The following FHAD1 variants were observed in gnomAD, a reference collection of about 807,000 sequenced individuals.
The protein encoded by FHAD1 is forkhead-associated domain-containing protein 1.
FHAD1 carries 146 observed loss-of-function variants against 191.3 expected under a neutral mutation model. That is an observed-to-expected ratio of 0.76 (90% CI 0.67 to 0.88). The LOEUF (loss-of-function observed/expected upper bound fraction) is 0.88, where lower values mean the gene tolerates loss of function less well. Ranked by LOEUF, FHAD1 falls within the 40% of genes least tolerant of loss-of-function variation. The pLI is 0.00. For synonymous variants in FHAD1, 616 were observed against 672.3 expected, an observed-to-expected ratio of 0.92 and a Z score of 1.29; for missense variants, 1,635 against 1,785.8, an observed-to-expected ratio of 0.92 and a Z score of 1.52.
intron 5 of FHAD1, among the ~76,000 whole-genome samples, chr1:15,299,676 G>C (rs1318418499): frequency 6.6e-6 from 1 of 152,242 alleles, no homozygotes; most frequent in East Asian, 1.9e-4. Flanking sequence ...AGGAACCATA[G>C]CTGTGCACCA....
At position 15,317,902 on chromosome 1, in the gene FHAD1, T is replaced by G. The variant is rs1257367192; in HGVS notation, c.1339T>G (p.Ser447Ala). The G allele has an allele frequency of 1.9e-6, 3 of 1,551,596 alleles. No homozygotes were observed. The highest frequency in any genetic ancestry group is 4.9e-5 in the East Asian group (2 of 40,922). The change falls in exon 10 of 34, where the codon TCT (serine) becomes GCT (alanine). Residue 447 changes from serine (S) to alanine (A), a missense_variant. Transcript: ENST00000688493. ...RKSCTEQSVI[S>A]RTLREKSKVE... ...GAGTTGTACTGAACAAAGCGTGATC[T>G]CTAGGACTCTGAGAGAAAAAAGCAA...
At chr1:15,391,300 T>A in intron 33 of FHAD1, 37 bp downstream of exon 33, 1 of 1,250,978 alleles carries the variant, frequency 8.0e-7, no homozygotes, top group Non-Finnish European at 1.0e-6. Flanking sequence ...TTCTCTTTTT[T>A]TGTTGTTTTG....
Position 15,247,369 on chromosome 1 carries a change from G to T in FHAD1, c.-41G>T. 4.4e-6 allele frequency: 1 copy of T among 229,676 alleles called. No individual in the cohort carries two copies. Among genetic ancestry groups the T allele is most frequent in the Non-Finnish European group, 9.5e-6 (1 of 105,186 alleles). The allele number at this position is 229,676 out of a possible 1,614,324, so 14.2% of individuals were successfully genotyped here. A position where few individuals can be genotyped will look rare whatever the true frequency, so the allele number is the denominator to read the frequency against. On this transcript the variant is annotated 5_prime_UTR_variant, in exon 1 of 34. Coordinates refer to ENST00000688493, the MANE Select transcript of FHAD1 (RefSeq NM_001391957.1). ...GCTGGCAGGGCTCTCGGCGGAGGTC[G>T]GAGCGTGGGCTTCCTCCTCCCGCCA...
chr1:15,296,314 C>T (rs1263800215), intron 4 of FHAD1, among the ~76,000 whole-genome samples: 4 of 146,476 alleles, frequency 2.7e-5, no homozygotes, highest in African/African-American at 5.1e-5. Context: ...AGTGCAGTGG[C>T]GCAATCTCGG....
At chr1:15,333,820 T>C (rs1345888213) in intron 14 of FHAD1, among the ~76,000 whole-genome samples, 1 of 146,420 alleles carries the variant, frequency 6.8e-6, no homozygotes, top group African/African-American at 2.5e-5. Context: ...TTTATTTTAT[T>C]TATCTTTTTT....
At chr1:15,292,081 C>G (rs954609386) in intron 4 of FHAD1, among the ~76,000 whole-genome samples, 1 of 152,182 alleles carries the variant, frequency 6.6e-6, no homozygotes, top group African/African-American at 2.4e-5. Flanking sequence ...AAGTCCTAAT[C>G]CCCAGTACCA....
At chr1:15,244,928 G>C (rs1237131476), upstream of FHAD1, among the ~76,000 whole-genome samples, 2 of 152,178 alleles carry the variant, frequency 1.3e-5, no homozygotes, top group African/African-American at 2.4e-5. The surrounding 1 kb of genome is among the most constrained non-coding windows in gnomAD (Gnocchi z 5.1). Flanking sequence ...TGTACAAGAA[G>C]CATGGTGCCA....
At chr1:15,282,100 A>G (rs749438542) in intron 3 of FHAD1, among the ~76,000 whole-genome samples, 1 of 152,124 alleles carries the variant, frequency 6.6e-6, no homozygotes, top group African/African-American at 2.4e-5. Context: ...CTGCTGTTAC[A>G]AGATGCCCCA....
At chr1:15,339,753 A>C (rs1685756073) in intron 15 of FHAD1, among the ~76,000 whole-genome samples, 1 of 152,232 alleles carries the variant, frequency 6.6e-6, no homozygotes, top group Admixed American at 6.5e-5. Context: ...AAGGACAATG[A>C]CAGGGTGCTG....
At chr1:15,400,747 C>G (rs1279455773), downstream of FHAD1, among the ~76,000 whole-genome samples, 1 of 152,264 alleles carries the variant, frequency 6.6e-6, no homozygotes. Flanking sequence ...CGCTTTGTCT[C>G]TGCTCAGCAG....
At chr1:15,252,773 C>A (rs996643227) in intron 2 of FHAD1, among the ~76,000 whole-genome samples, 1 of 152,238 alleles carries the variant, frequency 6.6e-6, no homozygotes, top group African/African-American at 2.4e-5. Context: ...TTAGCCTGGG[C>A]ATTCTTTCAT....
chr1:15,315,824 T>C (rs1674259677), intron 8 of FHAD1, among the ~76,000 whole-genome samples: 1 of 152,126 alleles, frequency 6.6e-6, no homozygotes, highest in African/African-American at 2.4e-5. Flanking sequence ...AACAATACTC[T>C]CAAAAACATC....
intron 1 of FHAD1, among the ~76,000 whole-genome samples, chr1:15,241,735 G>A (rs1645399650): frequency 6.6e-6 from 1 of 152,154 alleles, no homozygotes; most frequent in African/African-American, 2.4e-5. Context: ...GCTACCCCAG[G>A]GGGTGGGTCA....
At chr1:15,346,728 C>T (rs1469670668) in intron 18 of FHAD1, among the ~76,000 whole-genome samples, 1 of 152,228 alleles carries the variant, frequency 6.6e-6, no homozygotes, top group African/African-American at 2.4e-5. Context: ...TCATGAATTC[C>T]TCAATCCTGA....
chr1:15,398,883 C>T (rs1012843504), downstream of FHAD1, among the ~76,000 whole-genome samples: 1 of 151,342 alleles, frequency 6.6e-6, no homozygotes, highest in Non-Finnish European at 1.5e-5. Flanking sequence ...TGCAATGGCG[C>T]GATCTCTGCT....
chr1:15,264,928 T>C (rs1175798190), intron 2 of FHAD1, among the ~76,000 whole-genome samples: 1 of 152,038 alleles, frequency 6.6e-6, no homozygotes, highest in African/African-American at 2.4e-5. Context: ...TCAGTCCAGA[T>C]AGTCACGTGG....
rs1679099735 is a variant in FHAD1 at position 15,327,282 on chromosome 1, T to G, written c.1557+140T>G. 1.7e-6 allele frequency: 1 copy of G among 577,450 alleles called. No homozygotes were observed. The highest frequency in any genetic ancestry group is 2.5e-5 in the South Asian group (1 of 39,304). 35.8% of individuals were successfully genotyped at this position (577,450 alleles called of 1,614,324 possible). A position where few individuals can be genotyped will look rare whatever the true frequency, so the allele number is the denominator to read the frequency against. On this transcript the variant is annotated intron_variant, in intron 12 of 33. Transcript: ENST00000688493. This position sits in a 1 kb window ranked among gnomAD's most constrained non-coding sequence, Gnocchi z 5.1. The stretch of plus-strand genomic sequence containing the variant: ...TCACACTGTTGCTACACCATAAAGA[T>G]TTGTTTTGATTTTATGGGATTTCCT...
chr1:15,361,416 C>G (rs1307125085), intron 22 of FHAD1, among the ~76,000 whole-genome samples: 1 of 152,116 alleles, frequency 6.6e-6, no homozygotes, highest in Non-Finnish European at 1.5e-5. Flanking sequence ...TGCCCAATGT[C>G]CCCTAGAGGC....
intron 23 of FHAD1, 21 bp from the exon 24 acceptor site, chr1:15,365,806 A>C (rs1360476471): frequency 6.8e-7 from 1 of 1,479,282 alleles, no homozygotes; most frequent in Admixed American, 2.0e-5. Context: ...AACTGACTTC[A>C]CCTGTTTTTG....
Sources: gnomAD v4.1 joint callset for allele counts (sites outside exome capture counted in the v4.1 genomes callset) on GRCh38, gnomAD v4.1.1 for gene constraint, Gnocchi (gnomAD v3.1) non-coding constraint, MANE v1.5 for transcripts, NCBI Gene and HGNC (gene_info 2026-07-23, HGNC 2026-07-21) for gene names.